PAPLN: variants seen among roughly 807,000 people sequenced by gnomAD.
PAPLN encodes papilin.
A neutral mutation model predicts 159.0 loss-of-function variants in PAPLN; 146 were observed. The observed-to-expected ratio is 0.92, with a 90% CI of 0.80 to 1.05. The LOEUF (loss-of-function observed/expected upper bound fraction) is 1.05, where lower values mean the gene tolerates loss of function less well. Among genes scored for constraint, PAPLN ranks in the 50% least tolerant of loss-of-function variants. The pLI, the probability that PAPLN is intolerant of heterozygous loss-of-function variation, is 0.00. For synonymous variants in PAPLN, 734 were observed against 702.9 expected, an observed-to-expected ratio of 1.04 and a Z score of -0.70; for missense variants, 1,720 against 1,743.9, an observed-to-expected ratio of 0.99 and a Z score of 0.24.
rs1051959306 is a variant in PAPLN at position 73,251,109 on chromosome 14, T to C, written c.589+79T>C. On this transcript the variant is annotated intron_variant, in intron 7 of 26. Transcript: ENST00000644200. ...TTCCTTGCCTGTCCCTGCTCTGGCC[T>C]AGACTCCAGGCCAAGTGGCCCTCAT... The C allele has an allele frequency of 9.8e-6, 15 of 1,537,440 alleles. No individual in the cohort carries two copies. The South Asian group carries it at 1.8e-4, about 18-fold the overall frequency.
At chr14:73,254,072 G>C (rs571222283) in intron 12 of PAPLN, 111 bp downstream of exon 12, 1 of 1,222,066 alleles carries the variant, frequency 8.2e-7, no homozygotes, top group Non-Finnish European at 1.1e-6. Flanking sequence ...TAAAATAACC[G>C]GTCAGGTCAT....
At position 73,252,787 on chromosome 14, in the gene PAPLN, C is replaced by T. The variant is rs1885444322; in HGVS notation, c.1094+12C>T. On this transcript the variant is annotated intron_variant, in intron 11 of 26. Transcript: ENST00000644200. The stretch of plus-strand genomic sequence containing the variant: ...CCGGAGACCAAGCGGTGAGACCTTG[C>T]CAGCCCCTCTACCCATGATGAGGCC... 6.2e-7 allele frequency: 1 copy of T among 1,612,740 alleles called. No homozygotes were observed. Among genetic ancestry groups the T allele is most frequent in the African/African-American group, 1.3e-5 (1 of 75,048 alleles).
chr14:73,247,889 CGTGT>C (rs71112721), intron 5 of PAPLN, among the ~76,000 whole-genome samples: 713 of 19,796 alleles, frequency 0.036, 32 homozygotes, highest in Middle Eastern at 0.1. Flanking sequence ...TCATATCCTC[CGTGT>C]GTGTGTGTGT....
At chr14:73,255,538 A>G (rs1885810080) in intron 14 of PAPLN, among the ~76,000 whole-genome samples, 1 of 152,150 alleles carries the variant, frequency 6.6e-6, no homozygotes, top group African/African-American at 2.4e-5. Context: ...TCTTCCCTTC[A>G]TCCCCATCCC....
Position 73,266,501 on chromosome 14 carries a change from A to G in PAPLN, c.3264A>G (p.Arg1088=), listed in dbSNP as rs762769015. The G allele has an allele frequency of 1.2e-6, 2 of 1,613,898 alleles. No individual in the cohort carries two copies. Among genetic ancestry groups the G allele is most frequent in the South Asian group, 2.2e-5 (2 of 91,040 alleles). ...QRDGQPVSSP[R]HQLQPDGSLV... Reference sequence around the variant, plus strand: ...CCAACTGGCTGTACTTGGTCCCCAGACACCAGCTGCAGCCTGATGGCTCCC... The same window carrying G: ...CCAACTGGCTGTACTTGGTCCCCAGGCACCAGCTGCAGCCTGATGGCTCCC... Residue 1088 remains arginine (R), a splice_region_variant and synonymous_variant, in exon 24 of 27, where the codon AGA becomes AGG. Coordinates refer to ENST00000644200, the MANE Select transcript of PAPLN (RefSeq NM_001365906.3).
intron 14 of PAPLN, among the ~76,000 whole-genome samples, chr14:73,258,760 A>G (rs1282045269): frequency 6.6e-6 from 1 of 152,194 alleles, no homozygotes; most frequent in Non-Finnish European, 1.5e-5. Context: ...CCTGTCTCAA[A>G]AAAGATGAGC....
chr14:73,259,559 A>G lies in PAPLN; in HGVS notation c.1985+14A>G. 1 of 1,511,314 alleles carries G rather than the reference A, an allele frequency of 6.6e-7. No homozygotes were observed. Among genetic ancestry groups the G allele is most frequent in the Non-Finnish European group, 8.9e-7 (1 of 1,128,294 alleles). The allele number at this position is 1,511,314 out of a possible 1,614,324, so 93.6% of individuals were successfully genotyped here. A position where few individuals can be genotyped will look rare whatever the true frequency, so the allele number is the denominator to read the frequency against. On this transcript the variant is annotated intron_variant, in intron 16 of 26. Transcript: ENST00000644200. ...TCAGCAGAGCAGGTGGGTGCTGGAG[A>G]CAGGTCTTCCTCCTCCCCCGTCAAA... is the stretch of plus-strand genomic sequence containing the variant.
chr14:73,244,890 C>A (rs557189685), intron 3 of PAPLN, 131 bp downstream of exon 3: 5 of 669,420 alleles, frequency 7.5e-6, no homozygotes, highest in Non-Finnish European at 1.2e-5. Flanking sequence ...GGAGCAGATT[C>A]ATTCTGGAAG....
chr14:73,242,834 G>A (rs2140181201), intron 2 of PAPLN: 1 of 152,262 alleles, frequency 6.6e-6, no homozygotes, highest in South Asian at 2.1e-4. Context: ...GGCTTAGCGT[G>A]GTTTGTGCGT....
chr14:73,237,736 G>A (rs1326139476), intron 1 of PAPLN, 144 bp downstream of exon 1: 1 of 152,252 alleles, frequency 6.6e-6, no homozygotes, highest in Non-Finnish European at 1.5e-5. Context: ...ACCCCGCCCC[G>A]GCTCGCTCTC....
At position 73,242,269 on chromosome 14, in the gene PAPLN, C is replaced by A. The variant is rs76187976; in HGVS notation, c.55-2375C>A. Reference sequence around the variant, plus strand: ...TGGAAACAGCATGTCCCTTAGGGGGCCCTTGTTCAGGCCAGTCCTGCCCCT... The same window carrying A: ...TGGAAACAGCATGTCCCTTAGGGGGACCTTGTTCAGGCCAGTCCTGCCCCT... On this transcript the variant is annotated intron_variant, in intron 2 of 26. Transcript: ENST00000644200. 2.8e-3 allele frequency among the ~76,000 whole-genome samples: 423 copies of A among 152,298 alleles called. 3 individuals carry two copies. Among genetic ancestry groups the A allele is most frequent in the Non-Finnish European group, 5.1e-3 (347 of 68,012 alleles).
At chr14:73,263,263 A>C in intron 19 of PAPLN, 1 of 352,726 alleles carries the variant, frequency 2.8e-6, no homozygotes, top group Non-Finnish European at 5.2e-6. Context: ...GGATCATATT[A>C]ATGAAGGATT....
intron 5 of PAPLN, among the ~76,000 whole-genome samples, chr14:73,248,143 A>C (rs1327749955): frequency 4.3e-5 from 3 of 68,998 alleles, no homozygotes; most frequent in South Asian, 5.3e-4. Flanking sequence ...GGCTGTGGGC[A>C]TGGCCCAGTG....
chr14:73,269,792 C>T (rs555812492), intron 26 of PAPLN, among the ~76,000 whole-genome samples: 4 of 152,310 alleles, frequency 2.6e-5, no homozygotes, highest in African/African-American at 9.6e-5. Context: ...CCCTTCCTGC[C>T]TGGTCTTCTG....
intron 26 of PAPLN, 21 bp from the exon 27 acceptor site, chr14:73,272,474 C>G: frequency 6.7e-7 from 1 of 1,493,916 alleles, no homozygotes; most frequent in Non-Finnish European, 9.0e-7. Flanking sequence ...ACCACCTTCT[C>G]TCTCCCCTGT....
At chr14:73,270,214 C>T (rs1366119964) in intron 26 of PAPLN, among the ~76,000 whole-genome samples, 1 of 152,224 alleles carries the variant, frequency 6.6e-6, no homozygotes, top group East Asian at 1.9e-4. Flanking sequence ...GGGCAGGCTG[C>T]GCTCCGCTGA....
Position 73,264,708 on chromosome 14 carries a change from A to T in PAPLN, c.3107A>T (p.His1036Leu). 6.2e-7 allele frequency: 1 copy of T among 1,612,414 alleles called. No homozygotes were observed. The highest frequency in any genetic ancestry group is 1.7e-5 in the Admixed American group (1 of 59,812). The part of the protein sequence containing the change: ...AGPLGAIPSS[H>L]PQPANRLRLD... ...CCCCTGGGGGCCATCCCCTCTTCAC[A>T]CCCACAGCCTGCAAACAGGTAAGAA... The change falls in exon 22 of 27, where the codon CAC becomes CTC. Residue 1036 changes from histidine to leucine, a missense_variant. Coordinates refer to ENST00000644200, the MANE Select transcript of PAPLN (RefSeq NM_001365906.3).
intron 20 of PAPLN, 100 bp downstream of exon 20, chr14:73,263,882 T>G: frequency 8.0e-7 from 1 of 1,245,768 alleles, no homozygotes; most frequent in Non-Finnish European, 1.1e-6. Flanking sequence ...CTGATAGGTG[T>G]GACAGACCCC....
chr14:73,251,792 C>T lies in PAPLN; in HGVS notation c.799C>T (p.Arg267Ter), dbSNP rs199674160. The change falls in exon 9 of 27, where the codon CGA (arginine) becomes TGA (stop). Residue 267 changes from arginine to a stop codon, truncating the protein, a stop_gained. Transcript: ENST00000644200. LOFTEE classifies it high-confidence loss of function. ...TGCTGAGGGGGACCTGGCCCCTGAG[C>T]GACTCCATGCCCGGGGCCCCACCTC... Reference protein sequence around the residue: ...RGAEGDLAPERLHARGPTSEP... With the variant: ...RGAEGDLAPE The T allele has an allele frequency of 8.1e-5, 130 of 1,605,642 alleles. No individual in the cohort carries two copies. The highest frequency in any genetic ancestry group is 1.0e-4 in the Non-Finnish European group (123 of 1,177,464).
Sources: allele counts gnomAD v4.1 joint callset (sites outside exome capture counted in the v4.1 genomes callset), GRCh38; gene constraint gnomAD v4.1.1; transcripts MANE v1.5; gene names NCBI Gene and HGNC (gene_info 2026-07-23, HGNC 2026-07-21).